Variants in BBS9 observed in about 807,000 individuals in gnomAD.
BBS9 encodes the protein Bardet-Biedl syndrome 9, also known as protein PTHB1.
BBS9 carries 89 observed loss-of-function variants against 117.7 expected under a neutral mutation model. The observed-to-expected ratio is 0.76, with a 90% CI of 0.64 to 0.90. BBS9 has a LOEUF of 0.90. BBS9 is among the 40% of genes least tolerant of loss of function. BBS9 has a pLI of 0.00. For missense variants in BBS9, 982 were observed against 1,042.2 expected, an observed-to-expected ratio of 0.94 and a Z score of 0.80; for synonymous variants, 379 against 370.9, an observed-to-expected ratio of 1.02 and a Z score of -0.25.
At chr7:33,560,902 G>T (rs939964270) in intron 21 of BBS9, among the ~76,000 whole-genome samples, 2 of 152,082 alleles carry the variant, frequency 1.3e-5, no homozygotes, top group African/African-American at 4.8e-5. Flanking sequence ...GGCTTCAGTG[G>T]AAATAAACAA....
At chr7:33,333,088 G>A (rs1054699075) in intron 9 of BBS9, among the ~76,000 whole-genome samples, 1 of 151,978 alleles carries the variant, frequency 6.6e-6, no homozygotes, top group African/African-American at 2.4e-5. Context: ...AGTTTTTAGA[G>A]TACACGTGGT....
intron 16 of BBS9, among the ~76,000 whole-genome samples, chr7:33,364,981 G>C (rs1334519343): frequency 6.6e-6 from 1 of 151,522 alleles, no homozygotes; most frequent in Non-Finnish European, 1.5e-5. Flanking sequence ...TGCCTGCCTC[G>C]GCCTCCCAGA....
intron 9 of BBS9, among the ~76,000 whole-genome samples, chr7:33,324,369 C>T (rs1812390930): frequency 6.6e-6 from 1 of 152,144 alleles, no homozygotes; most frequent in Admixed American, 6.5e-5. Context: ...CTACAGTTAA[C>T]TTTGTCCCTC....
chr7:33,275,169 A>T (rs190829427), intron 9 of BBS9, among the ~76,000 whole-genome samples: 142 of 152,264 alleles, frequency 9.3e-4, no homozygotes, highest in African/African-American at 3.2e-3. Flanking sequence ...TGAATTTTAG[A>T]AAAATGGAAA....
chr7:33,318,955 G>T (rs1290479254), intron 9 of BBS9, among the ~76,000 whole-genome samples: 1 of 152,130 alleles, frequency 6.6e-6, no homozygotes, highest in Non-Finnish European at 1.5e-5. Context: ...ACGAGGTCAG[G>T]AGTTTGAGAC....
intron 2 of BBS9, 151 bp downstream of exon 2, chr7:33,146,515 C>T (rs1167630015): frequency 1.2e-5 from 8 of 651,572 alleles, no homozygotes; most frequent in Non-Finnish European, 2.0e-5. Flanking sequence ...GCCTGGCCAA[C>T]ATGGTGAAAC....
Position 33,623,655 on chromosome 7 carries a change from A to G in BBS9, c.2522-11522A>G, listed in dbSNP as rs189289894. On this transcript the variant is annotated intron_variant, in intron 21 of 21. Transcript: ENST00000671952. Reference sequence around the variant, plus strand: ...TCAACTGTAGATTTGACCAATTTCAATATATTCTTACTGTGGGGTACTACA... The same window carrying G: ...TCAACTGTAGATTTGACCAATTTCAGTATATTCTTACTGTGGGGTACTACA... Among the ~76,000 whole-genome samples the G allele has an allele frequency of 2.6e-5, 4 of 152,326 alleles. No homozygotes were observed. In the East Asian group the frequency reaches 5.8e-4, roughly 22 times the overall value.
chr7:33,539,507 T>C (rs1200365813), intron 21 of BBS9, among the ~76,000 whole-genome samples: 1 of 152,200 alleles, frequency 6.6e-6, no homozygotes, highest in African/African-American at 2.4e-5. Flanking sequence ...GTGTGTAACA[T>C]TTGCCTTTTC....
chr7:33,632,283 C>T (rs1462070097), intron 21 of BBS9, among the ~76,000 whole-genome samples: 2 of 152,204 alleles, frequency 1.3e-5, no homozygotes, highest in Non-Finnish European at 2.9e-5. Flanking sequence ...GCAGCGCCCC[C>T]TGAGAAATGT....
At chr7:33,521,651 A>G (rs1042457050) in intron 20 of BBS9, among the ~76,000 whole-genome samples, 2 of 151,962 alleles carry the variant, frequency 1.3e-5, no homozygotes, top group African/African-American at 4.8e-5. Context: ...CATGAATATG[A>G]TTTTAAACTT....
chr7:33,225,454 C>T (rs1485727335), intron 5 of BBS9, among the ~76,000 whole-genome samples: 1 of 152,146 alleles, frequency 6.6e-6, no homozygotes, highest in Non-Finnish European at 1.5e-5. Flanking sequence ...CTACCTTGGC[C>T]TCCCAAAGTG....
chr7:33,394,380 A>G (rs1827593988), intron 19 of BBS9, among the ~76,000 whole-genome samples: 1 of 152,016 alleles, frequency 6.6e-6, no homozygotes, highest in Admixed American at 6.6e-5. Context: ...GAGGGGAACA[A>G]CACACACTGG....
intron 20 of BBS9, among the ~76,000 whole-genome samples, chr7:33,526,543 C>G (rs989283614): frequency 6.6e-6 from 1 of 150,898 alleles, no homozygotes; most frequent in Non-Finnish European, 1.5e-5. Context: ...ATCACATCAG[C>G]TCCTGAGGCT....
intron 5 of BBS9, among the ~76,000 whole-genome samples, chr7:33,181,974 C>T (rs1340026346): frequency 6.6e-6 from 1 of 152,190 alleles, no homozygotes; most frequent in Non-Finnish European, 1.5e-5. Context: ...GTAATCTCAG[C>T]TACCCGGGAG....
At chr7:33,634,083 A>C (rs923597728) in intron 21 of BBS9, among the ~76,000 whole-genome samples, 1 of 152,210 alleles carries the variant, frequency 6.6e-6, no homozygotes, top group Non-Finnish European at 1.5e-5. Flanking sequence ...AGGAAGCTGC[A>C]CAGAACATCT....
chr7:33,240,010 A>AT (rs1794210647), intron 5 of BBS9, among the ~76,000 whole-genome samples: 1 of 152,096 alleles, frequency 6.6e-6, no homozygotes, highest in Non-Finnish European at 1.5e-5. Context: ...TTAAAAAAGT[A>AT]TTTTTTAAAG....
chr7:33,443,266 G>A (rs986384121), intron 19 of BBS9, among the ~76,000 whole-genome samples: 17 of 152,188 alleles, frequency 1.1e-4, no homozygotes, highest in South Asian at 2.1e-4. Context: ...AGATGGAAAT[G>A]GAAAAGGAGA....
intron 5 of BBS9, among the ~76,000 whole-genome samples, chr7:33,180,504 A>G (rs1165592544): frequency 2.0e-5 from 3 of 151,808 alleles, no homozygotes; most frequent in African/African-American, 7.3e-5. Flanking sequence ...TTACAGGCAC[A>G]TGCCACCACG....
chr7:33,460,209 T>C (rs549485461), intron 19 of BBS9, among the ~76,000 whole-genome samples: 1 of 152,270 alleles, frequency 6.6e-6, no homozygotes, highest in South Asian at 2.1e-4. Flanking sequence ...AAGAGTTCTA[T>C]TGTGATTTAC....
Sources: gnomAD v4.1 joint callset for allele counts (sites outside exome capture counted in the v4.1 genomes callset) on GRCh38, gnomAD v4.1.1 for gene constraint, MANE v1.5 for transcripts, NCBI Gene and HGNC (gene_info 2026-07-23, HGNC 2026-07-21) for gene names.